Variants in SSBP2 observed in about 807,000 individuals in gnomAD.
SSBP2 encodes the protein single stranded DNA binding protein 2, also known as single-stranded DNA-binding protein 2.
SSBP2 carries 17 observed loss-of-function variants against 61.8 expected under a neutral mutation model. The observed-to-expected ratio is 0.28, with a 90% CI of 0.19 to 0.41. The LOEUF is 0.41. SSBP2 is among the 10% of genes least tolerant of loss of function. SSBP2 has a pLI of 1.00. For missense variants in SSBP2, 310 were observed against 458.7 expected (o/e 0.68, Z 2.96); for synonymous variants, 139 against 141.3 (o/e 0.98, Z 0.12).
intron 2 of SSBP2, among the ~76,000 whole-genome samples, chr5:81,643,530 T>C (rs1428996717): frequency 1.3e-5 from 2 of 151,718 alleles, no homozygotes. Flanking sequence ...TATAGAAGCA[T>C]GAGTATATCT....
chr5:81,624,765 T>C (rs1581195822), intron 3 of SSBP2, among the ~76,000 whole-genome samples: 2 of 152,298 alleles, frequency 1.3e-5, no homozygotes, highest in African/African-American at 4.8e-5. Flanking sequence ...CACTTAACTA[T>C]AATGTTATAG....
intron 4 of SSBP2, among the ~76,000 whole-genome samples, chr5:81,597,141 A>G (rs550970567): frequency 4.5e-4 from 68 of 152,344 alleles, no homozygotes; most frequent in African/African-American, 1.6e-3. Flanking sequence ...CAGAATCTAC[A>G]ACAAACTCAA....
intron 4 of SSBP2, among the ~76,000 whole-genome samples, chr5:81,612,874 T>C (rs1026018310): frequency 2.6e-5 from 4 of 152,076 alleles, no homozygotes; most frequent in Non-Finnish European, 5.9e-5. Context: ...CAAAATCTTA[T>C]TGTTTGTTCC....
At chr5:81,690,102 AC>A (rs1198133746) in intron 1 of SSBP2, among the ~76,000 whole-genome samples, 1 of 152,110 alleles carries the variant, frequency 6.6e-6, no homozygotes, top group Non-Finnish European at 1.5e-5. Context: ...CAACAGATAA[AC>A]AAAAAAATAA....
chr5:81,652,527 G>A (rs1414182026), intron 1 of SSBP2, among the ~76,000 whole-genome samples: 1 of 152,088 alleles, frequency 6.6e-6, no homozygotes, highest in African/African-American at 2.4e-5. Flanking sequence ...ATCTGCTGTG[G>A]CAGCTCATTG....
intron 5 of SSBP2, among the ~76,000 whole-genome samples, chr5:81,503,391 T>C (rs1404917080): frequency 2.7e-5 from 4 of 149,270 alleles, no homozygotes; most frequent in Admixed American, 2.0e-4. Flanking sequence ...GAGGGGGAGG[T>C]TGCAATGAGC....
intron 4 of SSBP2, among the ~76,000 whole-genome samples, chr5:81,535,796 A>G (rs1304892520): frequency 6.6e-6 from 1 of 152,086 alleles, no homozygotes; most frequent in Non-Finnish European, 1.5e-5. Flanking sequence ...GTAAAATGCA[A>G]AACTATAAAA....
intron 1 of SSBP2, among the ~76,000 whole-genome samples, chr5:81,734,070 G>C (rs1414670636): frequency 1.3e-5 from 2 of 152,146 alleles, no homozygotes; most frequent in African/African-American, 2.4e-5. Flanking sequence ...GACATTTTCT[G>C]ATCAGAATCA....
At chr5:81,560,628 G>A (rs1772973563) in intron 4 of SSBP2, among the ~76,000 whole-genome samples, 1 of 152,068 alleles carries the variant, frequency 6.6e-6, no homozygotes, top group Non-Finnish European at 1.5e-5. Flanking sequence ...GCTCTGGAAC[G>A]CCTAAGAATA....
At chr5:81,472,340 T>C (rs1367927418) in intron 8 of SSBP2, among the ~76,000 whole-genome samples, 2 of 152,164 alleles carry the variant, frequency 1.3e-5, no homozygotes, top group Non-Finnish European at 2.9e-5. Context: ...CACCAACAGC[T>C]AGGAGAGGTT....
chr5:81,710,229 G>C (rs1754677233), intron 1 of SSBP2, among the ~76,000 whole-genome samples: 1 of 152,044 alleles, frequency 6.6e-6, no homozygotes, highest in Admixed American at 6.5e-5. Context: ...ATTAAGTAAT[G>C]GTAGTAGACA....
intron 1 of SSBP2, among the ~76,000 whole-genome samples, chr5:81,661,025 G>A (rs1480227297): frequency 1.3e-5 from 2 of 151,854 alleles, no homozygotes; most frequent in Non-Finnish European, 2.9e-5. Flanking sequence ...GGGGTCAGGG[G>A]AGGGAGAGCA....
chr5:81,514,663 T>C (rs981256499), intron 4 of SSBP2, among the ~76,000 whole-genome samples: 4 of 152,076 alleles, frequency 2.6e-5, no homozygotes, highest in Non-Finnish European at 4.4e-5. Context: ...ATCTAGTGTA[T>C]CTGTTGCGCT....
Position 81,413,195 on chromosome 5 carries a change from T to C in SSBP2, c.*7309A>G, listed in dbSNP as rs1761200051. 1 of 152,258 alleles carries C rather than the reference T, an allele frequency of 6.6e-6. No individual in the cohort carries two copies. The highest frequency in any genetic ancestry group is 6.5e-5 in the Admixed American group (1 of 15,282). 9.4% of individuals were successfully genotyped at this position (152,258 alleles called of 1,614,324 possible). A position where few individuals can be genotyped will look rare whatever the true frequency, so the allele number is the denominator to read the frequency against. On this transcript the variant is annotated 3_prime_UTR_variant, in exon 17 of 17. Transcript: ENST00000320672. ...TAAGGGTCATTTATGTACATCTTTA[T>C]GGCAACTTATCCCATTACATGAATA...
intron 4 of SSBP2, among the ~76,000 whole-genome samples, chr5:81,578,313 C>T (rs76218457): frequency 0.012 from 1,823 of 152,032 alleles, 34 homozygotes; most frequent in African/African-American, 0.042. Flanking sequence ...ATAAAGTACC[C>T]TCTTCTCCTT....
intron 15 of SSBP2, among the ~76,000 whole-genome samples, chr5:81,429,571 TA>T (rs199931234): frequency 1.3e-5 from 2 of 151,476 alleles, no homozygotes; most frequent in East Asian, 3.9e-4. Flanking sequence ...CATTAACTTG[TA>T]AAAAAAAACT....
At chr5:81,545,284 C>G (rs1250600247) in intron 4 of SSBP2, among the ~76,000 whole-genome samples, 1 of 152,160 alleles carries the variant, frequency 6.6e-6, no homozygotes, top group Admixed American at 6.5e-5. Flanking sequence ...TGAATTTTAT[C>G]TGGCAATCCT....
At chr5:81,721,175 C>T (rs1755518943) in intron 1 of SSBP2, among the ~76,000 whole-genome samples, 1 of 152,050 alleles carries the variant, frequency 6.6e-6, no homozygotes, top group African/African-American at 2.4e-5. Flanking sequence ...AAACCTACTA[C>T]TGCTTGATGA....
chr5:81,554,941 G>A (rs1430794843), intron 4 of SSBP2, among the ~76,000 whole-genome samples: 1 of 152,140 alleles, frequency 6.6e-6, no homozygotes, highest in East Asian at 1.9e-4. Flanking sequence ...ATGCTTGTCA[G>A]GAGCCATTGA....
Sources: gnomAD v4.1 joint callset for allele counts (sites outside exome capture counted in the v4.1 genomes callset) on GRCh38, gnomAD v4.1.1 for gene constraint, MANE v1.5 for transcripts, NCBI Gene and HGNC (gene_info 2026-07-23, HGNC 2026-07-21) for gene names.